STARD13: variants seen among roughly 807,000 people sequenced by gnomAD.
The protein encoded by STARD13 is StAR related lipid transfer domain containing 13, also known as stAR-related lipid transfer protein 13.
A neutral mutation model predicts 106.4 loss-of-function variants in STARD13; 62 were observed. That is an observed-to-expected ratio of 0.58 (90% confidence interval 0.48 to 0.72). STARD13 has a LOEUF of 0.72. STARD13 is among the 30% of genes least tolerant of loss of function. The probability of loss-of-function intolerance (pLI) is 0.00; values close to 1 mark genes in which losing one functional copy is unlikely to be tolerated. For missense variants in STARD13, 1,387 were observed against 1,424.0 expected, an observed-to-expected ratio of 0.97 and a Z score of 0.42; for synonymous variants, 565 against 553.0, an observed-to-expected ratio of 1.02 and a Z score of -0.31.
intron 1 of STARD13, among the ~76,000 whole-genome samples, chr13:33,293,221 T>C (rs1892359257): frequency 6.6e-6 from 1 of 152,226 alleles, no homozygotes; most frequent in Non-Finnish European, 1.5e-5. Context: ...TGTGTGTTGC[T>C]AATTTTTCCC....
intron 1 of STARD13, among the ~76,000 whole-genome samples, chr13:33,201,749 T>G (rs1478157781): frequency 1.3e-5 from 2 of 152,304 alleles, no homozygotes; most frequent in East Asian, 3.9e-4. Flanking sequence ...TTTTCTAAAT[T>G]TAAACAGAAG....
chr13:33,438,498 T>C, the STARD13 span, among the ~76,000 whole-genome samples: 1 of 152,208 alleles, frequency 6.6e-6, no homozygotes, highest in African/African-American at 2.4e-5. Flanking sequence ...AAGTCCCAAA[T>C]ATAAAAGTGG....
chr13:33,562,814 A>C, the STARD13 span, among the ~76,000 whole-genome samples: 2 of 147,108 alleles, frequency 1.4e-5, 1 homozygote, highest in African/African-American at 5.1e-5. Context: ...ATTACAGACA[A>C]CTTCCTAGCA....
At chr13:33,223,660 A>AATATAT (rs144165084) in intron 1 of STARD13, among the ~76,000 whole-genome samples, 1 of 149,410 alleles carries the variant, frequency 6.7e-6, no homozygotes, top group African/African-American at 2.5e-5. Context: ...ACTCCATCTC[A>AATATAT]ATATATATAT....
At chr13:33,145,562 A>G (rs548091785) in intron 3 of STARD13, among the ~76,000 whole-genome samples, 18 of 152,310 alleles carry the variant, frequency 1.2e-4, no homozygotes, top group African/African-American at 4.3e-4. Flanking sequence ...AAAGATTTGT[A>G]CTTGAATGTT....
chr13:33,125,049 A>G (rs1440205530), intron 7 of STARD13, among the ~76,000 whole-genome samples: 1 of 152,240 alleles, frequency 6.6e-6, no homozygotes, highest in Non-Finnish European at 1.5e-5. Context: ...CTTCAAATGA[A>G]GAAGTTACTG....
the STARD13 span, among the ~76,000 whole-genome samples, chr13:33,672,770 T>C: frequency 6.6e-6 from 1 of 152,234 alleles, no homozygotes; most frequent in African/African-American, 2.4e-5. Context: ...TTGCAACCAA[T>C]TTATCACGTT....
At chr13:33,107,022 C>T in intron 12 of STARD13, 88 bp from the exon 13 acceptor site, 5 of 1,330,722 alleles carry the variant, frequency 3.8e-6, no homozygotes, top group Middle Eastern at 4.0e-4. Context: ...TTTATATTTT[C>T]CTGCCAACAA....
At chr13:33,315,002 C>G (rs1028220281) in intron 1 of STARD13, among the ~76,000 whole-genome samples, 1 of 152,074 alleles carries the variant, frequency 6.6e-6, no homozygotes, top group African/African-American at 2.4e-5. Context: ...AGGAAGAGTG[C>G]ACTTTTTCAT....
At chr13:33,278,319 G>A (rs1336147192) in intron 1 of STARD13, 1 of 152,200 alleles carries the variant, frequency 6.6e-6, no homozygotes, top group Admixed American at 6.5e-5. Context: ...TGGGCCTAGT[G>A]TTCTGTGAAG....
the STARD13 span, among the ~76,000 whole-genome samples, chr13:33,619,861 G>A: frequency 6.6e-6 from 1 of 152,156 alleles, no homozygotes; most frequent in Non-Finnish European, 1.5e-5. Context: ...TCAGGAGTTT[G>A]AGACAAGCCT....
the STARD13 span, among the ~76,000 whole-genome samples, chr13:33,382,663 A>T: frequency 8.5e-5 from 13 of 152,196 alleles, no homozygotes; most frequent in Admixed American, 8.5e-4. Context: ...GACTCTACAT[A>T]TATTGGCTAT....
intron 3 of STARD13, among the ~76,000 whole-genome samples, chr13:33,150,130 T>A (rs901910523): frequency 1.3e-5 from 2 of 152,254 alleles, no homozygotes; most frequent in African/African-American, 4.8e-5. Context: ...GTTTTATACA[T>A]GATAGGCTCG....
chr13:33,540,473 G>A, the STARD13 span, among the ~76,000 whole-genome samples: 1 of 152,218 alleles, frequency 6.6e-6, no homozygotes, highest in Non-Finnish European at 1.5e-5. Context: ...GAGGATACAC[G>A]TTCTGGGAGG....
intron 1 of STARD13, among the ~76,000 whole-genome samples, chr13:33,235,842 A>T (rs181126484): frequency 6.6e-6 from 1 of 152,330 alleles, no homozygotes; most frequent in East Asian, 1.9e-4. Flanking sequence ...GCATGTGCAC[A>T]TTTAAGAAAC....
At chr13:33,446,210 G>C in the STARD13 span, among the ~76,000 whole-genome samples, 1 of 151,906 alleles carries the variant, frequency 6.6e-6, no homozygotes, top group Admixed American at 6.6e-5. Context: ...CTTTAAATTT[G>C]AATTCAAAAT....
intron 1 of STARD13, among the ~76,000 whole-genome samples, chr13:33,170,285 GCTTA>G (rs1043586427): frequency 6.6e-6 from 1 of 151,960 alleles, no homozygotes; most frequent in Admixed American, 6.6e-5. Context: ...ATATACATAC[GCTTA>G]CTATGTCCCC....
At chr13:33,508,939 T>C in the STARD13 span, among the ~76,000 whole-genome samples, 1 of 152,242 alleles carries the variant, frequency 6.6e-6, no homozygotes, top group Non-Finnish European at 1.5e-5. Flanking sequence ...TACTGAATAC[T>C]GTAGGCACCT....
the STARD13 span, among the ~76,000 whole-genome samples, chr13:33,608,066 T>C: frequency 6.6e-6 from 1 of 152,136 alleles, no homozygotes; most frequent in Non-Finnish European, 1.5e-5. Context: ...TGTGCCACCA[T>C]GCCCTTTTTT....
Sources: allele counts gnomAD v4.1 joint callset (sites outside exome capture counted in the v4.1 genomes callset), GRCh38; gene constraint gnomAD v4.1.1; transcripts MANE v1.5; gene names NCBI Gene and HGNC (gene_info 2026-07-23, HGNC 2026-07-21).